The following WDFY4 variants were observed in gnomAD, a reference collection of about 807,000 sequenced individuals.
The protein encoded by WDFY4 is WDFY family member 4.
WDFY4 carries 169 observed loss-of-function variants against 351.9 expected under a neutral mutation model. That is an observed-to-expected ratio of 0.48 (90% CI 0.42 to 0.55). WDFY4 has a LOEUF of 0.55. Among genes scored for constraint, WDFY4 ranks in the 20% least tolerant of loss-of-function variants. WDFY4 has a pLI of 0.00. For missense variants in WDFY4, 3,803 were observed against 3,935.6 expected, an observed-to-expected ratio of 0.97 and a Z score of 0.90; for synonymous variants, 1,622 against 1,574.6, an observed-to-expected ratio of 1.03 and a Z score of -0.71.
chr10:48,817,498 C>T, intron 32 of WDFY4, 89 bp downstream of exon 32: 2 of 1,398,622 alleles, frequency 1.4e-6, no homozygotes, highest in South Asian at 1.5e-5. Flanking sequence ...CCCCTCCCCC[C>T]TAAAATTAAA....
rs1047318182 is a variant in WDFY4, at chr10:48,830,743, G to A, written c.6384G>A (p.Gln2128=). The A allele has an allele frequency of 1.9e-6, 3 of 1,551,696 alleles. 1 individual carries two copies. In the Admixed American group the frequency reaches 5.9e-5, roughly 30 times the overall value. ...IQKTVQTLWQ[Q]LVAQRQQTLE... ...AGACAGTGCAGACTCTCTGGCAGCA[G>A]CTGGTGGCACAAAGGCAGCAGACCC... Residue 2128 remains glutamine (Q), a synonymous_variant, in exon 38 of 62, where the codon CAG becomes CAA. Transcript: ENST00000325239.
At chr10:48,956,847 T>C (rs1397197560) in intron 51 of WDFY4, among the ~76,000 whole-genome samples, 1 of 152,224 alleles carries the variant, frequency 6.6e-6, no homozygotes, top group African/African-American at 2.4e-5. Flanking sequence ...TTCCTGTTTC[T>C]GATATGAACT....
chr10:48,804,940 T>C (rs1156870894), intron 25 of WDFY4, among the ~76,000 whole-genome samples: 1 of 152,098 alleles, frequency 6.6e-6, no homozygotes, highest in Non-Finnish European at 1.5e-5. Flanking sequence ...CACATGAGTG[T>C]CTGCTGTCTT....
intron 39 of WDFY4, among the ~76,000 whole-genome samples, chr10:48,849,309 T>C (rs2133164861): frequency 6.6e-6 from 1 of 152,334 alleles, no homozygotes; most frequent in East Asian, 1.9e-4. Context: ...AAACTATCCA[T>C]AGAATACATG....
chr10:48,789,009 T>G (rs1379911060), intron 21 of WDFY4, among the ~76,000 whole-genome samples: 2 of 151,858 alleles, frequency 1.3e-5, no homozygotes, highest in African/African-American at 4.9e-5. Flanking sequence ...CACTGAGATA[T>G]TCTTTGAGTT....
At chr10:48,964,128 T>C (rs1841978227) in intron 54 of WDFY4, 74 bp downstream of exon 54, 1 of 1,487,868 alleles carries the variant, frequency 6.7e-7, no homozygotes, top group African/African-American at 1.4e-5. Context: ...TCTCCTGGGG[T>C]GAAAGTGAAG....
chr10:48,853,959 C>T (rs924841127), intron 39 of WDFY4, among the ~76,000 whole-genome samples: 1 of 152,148 alleles, frequency 6.6e-6, no homozygotes, highest in African/African-American at 2.4e-5. Flanking sequence ...TAACTTTGAA[C>T]CCTGGAATGG....
chr10:48,838,388 C>G (rs983746987), intron 39 of WDFY4, among the ~76,000 whole-genome samples: 2 of 152,096 alleles, frequency 1.3e-5, no homozygotes, highest in Non-Finnish European at 2.9e-5. Context: ...TGACCAGGTG[C>G]CAGACCTGCC....
At chr10:48,796,248 A>G in intron 23 of WDFY4, 50 bp from the exon 24 acceptor site, 1 of 1,518,152 alleles carries the variant, frequency 6.6e-7, no homozygotes, top group Non-Finnish European at 8.9e-7. Context: ...TGAAGGGGAA[A>G]TCTCTAATGA....
intron 13 of WDFY4, among the ~76,000 whole-genome samples, chr10:48,772,271 T>C (rs1020344512): frequency 2.6e-5 from 4 of 152,080 alleles, no homozygotes; most frequent in African/African-American, 9.7e-5. Flanking sequence ...GAGGCATGAA[T>C]TGCACAACAC....
chr10:48,812,987 G>A (rs1477027042), intron 30 of WDFY4, among the ~76,000 whole-genome samples: 1 of 152,204 alleles, frequency 6.6e-6, no homozygotes, highest in East Asian at 1.9e-4. Flanking sequence ...CCCCCAGACA[G>A]AGGAGACCAT....
intron 9 of WDFY4, among the ~76,000 whole-genome samples, chr10:48,732,425 T>C (rs2064495515): frequency 6.6e-6 from 1 of 152,200 alleles, no homozygotes; most frequent in Non-Finnish European, 1.5e-5. Context: ...CCTTCCCTCC[T>C]TTCATTCTCC....
chr10:48,796,333 C>G lies in WDFY4; in HGVS notation c.4293C>G (p.Leu1431=), dbSNP rs1294687045. 1 of 1,552,278 alleles carries G rather than the reference C, an allele frequency of 6.4e-7. No individual in the cohort carries two copies. The highest frequency in any genetic ancestry group is 8.7e-7 in the Non-Finnish European group (1 of 1,147,146). The part of the protein sequence containing the change: ...MAFLLRKKAS[L]LNHRIFQLIL... Reference sequence around the variant, plus strand: ...TTCTCCTGAGGAAGAAGGCCTCTCTCCTGAACCATCGAATTTTTCAGCTGA... The same window carrying G: ...TTCTCCTGAGGAAGAAGGCCTCTCTGCTGAACCATCGAATTTTTCAGCTGA... The change falls in exon 24 of 62, where the codon CTC becomes CTG. Residue 1431 remains leucine (L), a synonymous_variant. Coordinates refer to ENST00000325239, the MANE Select transcript of WDFY4 (RefSeq NM_001394531.1).
intron 43 of WDFY4, among the ~76,000 whole-genome samples, chr10:48,885,796 T>C (rs925017647): frequency 3.3e-5 from 5 of 152,092 alleles, no homozygotes; most frequent in African/African-American, 1.2e-4. Flanking sequence ...TCCTTATTGT[T>C]TTAACATACA....
chr10:48,687,937 A>G (rs1035521673), intron 1 of WDFY4, among the ~76,000 whole-genome samples: 1 of 152,024 alleles, frequency 6.6e-6, no homozygotes, highest in African/African-American at 2.4e-5. Flanking sequence ...GTGCGCCACC[A>G]CATCTGTCTA....
At chr10:48,853,425 C>T (rs1240087304) in intron 39 of WDFY4, among the ~76,000 whole-genome samples, 1 of 152,190 alleles carries the variant, frequency 6.6e-6, no homozygotes, top group Non-Finnish European at 1.5e-5. Flanking sequence ...AGAAATTTGG[C>T]AGTAATTCTT....
chr10:48,803,264 T>C, intron 24 of WDFY4, 22 bp from the exon 25 acceptor site: 2 of 1,550,146 alleles, frequency 1.3e-6, no homozygotes, highest in Non-Finnish European at 8.7e-7. Context: ...CATTTTAGCA[T>C]GTGTTTTGTT....
chr10:48,936,239 AT>A lies in WDFY4; in HGVS notation c.7587-5561del, dbSNP rs370102082. 1.4e-3 allele frequency among the ~76,000 whole-genome samples: 215 copies of A among 152,260 alleles called. 1 individual carries two copies. Among genetic ancestry groups the A allele is most frequent in the African/African-American group, 3.3e-3 (138 of 41,572 alleles). ...TCATTAAATGAGAGCTAACTATAAC[AT>A]TTTTTAATACATAAACATTACCATA... On this transcript the variant is annotated intron_variant, in intron 47 of 61. Coordinates refer to ENST00000325239, the MANE Select transcript of WDFY4 (RefSeq NM_001394531.1).
chr10:48,959,637 A>T (rs1841768198), intron 52 of WDFY4, 85 bp from the exon 53 acceptor site: 15 of 1,257,042 alleles, frequency 1.2e-5, no homozygotes, highest in Non-Finnish European at 1.5e-5. Flanking sequence ...AAAATCAGCA[A>T]TCCTGGGCAA....
Sources: gnomAD v4.1 joint callset for allele counts (sites outside exome capture counted in the v4.1 genomes callset) on GRCh38, gnomAD v4.1.1 for gene constraint, MANE v1.5 for transcripts, NCBI Gene and HGNC (gene_info 2026-07-23, HGNC 2026-07-21) for gene names.